WDR7: variants seen among roughly 807,000 people sequenced by gnomAD.
WDR7 encodes the protein WD repeat-containing protein 7.
Under a neutral mutation model 169.4 loss-of-function variants are expected in WDR7, and 46 were observed. The observed-to-expected ratio is 0.27, with a 90% confidence interval of 0.21 to 0.35. The LOEUF (loss-of-function observed/expected upper bound fraction) is 0.35. WDR7 is among the 10% of genes least tolerant of loss of function. The pLI, the probability that WDR7 is intolerant of heterozygous loss-of-function variation, is 1.00. For synonymous variants in WDR7, 612 were observed against 666.8 expected, an observed-to-expected ratio of 0.92 and a Z score of 1.27; for missense variants, 1,534 against 1,859.3, an observed-to-expected ratio of 0.83 and a Z score of 3.22.
At chr18:56,853,351 C>G (rs2145376267) in intron 20 of WDR7, among the ~76,000 whole-genome samples, 1 of 152,126 alleles carries the variant, frequency 6.6e-6, no homozygotes, top group Non-Finnish European at 1.5e-5. Context: ...TGTTCTTAAC[C>G]TTTGTTTTAA....
chr18:56,796,229 T>C (rs76161690), intron 19 of WDR7, among the ~76,000 whole-genome samples: 1,941 of 152,332 alleles, frequency 0.013, 17 homozygotes, highest in East Asian at 0.031. Flanking sequence ...ATGCCTCATC[T>C]TCAGGCAACT....
intron 26 of WDR7, among the ~76,000 whole-genome samples, chr18:56,994,168 C>T (rs1047169826): frequency 7.9e-5 from 12 of 151,904 alleles, no homozygotes; most frequent in South Asian, 2.1e-4. Flanking sequence ...TACAGGCATA[C>T]GCCACCACGC....
intron 20 of WDR7, among the ~76,000 whole-genome samples, chr18:56,869,148 C>A (rs977316388): frequency 1.2e-4 from 18 of 152,110 alleles, no homozygotes; most frequent in African/African-American, 4.3e-4. Flanking sequence ...ATAATTGACA[C>A]ACCTTCAGAG....
At chr18:56,730,291 G>A (rs1312611041) in intron 13 of WDR7, among the ~76,000 whole-genome samples, 1 of 152,132 alleles carries the variant, frequency 6.6e-6, no homozygotes. Context: ...AGAAAATAAA[G>A]CAGAAAAGGG....
At chr18:56,958,475 G>A (rs951467367) in intron 25 of WDR7, among the ~76,000 whole-genome samples, 3 of 151,698 alleles carry the variant, frequency 2.0e-5, no homozygotes, top group African/African-American at 7.3e-5. Flanking sequence ...TTTTTTCCAG[G>A]ACAACATTTA....
At chr18:57,026,821 A>G (rs980139405) in intron 27 of WDR7, among the ~76,000 whole-genome samples, 183 bp from the exon 28 acceptor site, 4 of 152,216 alleles carry the variant, frequency 2.6e-5, no homozygotes, top group South Asian at 2.1e-4. Context: ...TGCATTTACC[A>G]TAACAGCATC....
In WDR7 at chr18:56,938,516, A is replaced by G. The variant is rs79943618; in HGVS notation, c.3832-17A>G. On this transcript the variant is annotated splice_polypyrimidine_tract_variant and intron_variant, in intron 23 of 27. Coordinates refer to ENST00000254442, the MANE Select transcript of WDR7 (RefSeq NM_015285.3). ...TATCAGTGTCAATCATATCTACAGC[A>G]TAGAAATGTTTTGTAGGTACACAGA... 7.0e-3 allele frequency: 11,219 copies of G among 1,612,980 alleles called. 67 individuals carry two copies. Among genetic ancestry groups the G allele is most frequent in the Middle Eastern group, 0.019 (116 of 6,060 alleles).
intron 26 of WDR7, among the ~76,000 whole-genome samples, chr18:56,973,494 G>C (rs73444873): frequency 0.024 from 3,644 of 150,358 alleles, 129 homozygotes; most frequent in African/African-American, 0.084. Context: ...TATTGTGTGT[G>C]GGGGGGGTGT....
intron 19 of WDR7, among the ~76,000 whole-genome samples, chr18:56,784,555 G>T (rs549402250): frequency 6.6e-6 from 1 of 152,252 alleles, no homozygotes; most frequent in East Asian, 1.9e-4. Flanking sequence ...CATCTTGCTT[G>T]CTCTGGCATC....
intron 1 of WDR7, among the ~76,000 whole-genome samples, chr18:56,660,545 C>T (rs2024882498): frequency 1.3e-5 from 2 of 151,976 alleles, no homozygotes; most frequent in South Asian, 4.2e-4. Context: ...AAAGGATACT[C>T]AACCTATAGA....
intron 20 of WDR7, among the ~76,000 whole-genome samples, chr18:56,855,243 TC>T (rs397824004): frequency 2.0e-5 from 3 of 151,426 alleles, no homozygotes; most frequent in Non-Finnish European, 4.4e-5. Flanking sequence ...TGTTTTTTTT[TC>T]CCCCCATTGG....
intron 19 of WDR7, among the ~76,000 whole-genome samples, chr18:56,795,492 G>A (rs2044568579): frequency 6.6e-6 from 1 of 152,052 alleles, no homozygotes. Context: ...CAATAAATTT[G>A]GAACTACAGA....
At chr18:56,806,808 A>G (rs2044780770) in intron 19 of WDR7, among the ~76,000 whole-genome samples, 1 of 152,040 alleles carries the variant, frequency 6.6e-6, no homozygotes, top group Non-Finnish European at 1.5e-5. Context: ...AGGCTCCTTG[A>G]GTGTTTAGTA....
intron 26 of WDR7, among the ~76,000 whole-genome samples, chr18:56,989,780 G>A (rs1004090545): frequency 2.6e-5 from 4 of 151,706 alleles, no homozygotes; most frequent in East Asian, 1.9e-4. Flanking sequence ...CTTTATTCCC[G>A]TAGGTACAGT....
At chr18:56,857,160 C>T (rs917591032) in intron 20 of WDR7, among the ~76,000 whole-genome samples, 3 of 152,082 alleles carry the variant, frequency 2.0e-5, no homozygotes, top group African/African-American at 7.2e-5. Context: ...GTTTTTTATA[C>T]TAGAGTGGAA....
intron 22 of WDR7, among the ~76,000 whole-genome samples, chr18:56,927,219 A>G (rs1446709389): frequency 6.6e-6 from 1 of 152,172 alleles, no homozygotes; most frequent in Non-Finnish European, 1.5e-5. Flanking sequence ...ATCATGGCAG[A>G]GTTCCCTTTT....
intron 14 of WDR7, among the ~76,000 whole-genome samples, chr18:56,745,445 A>G (rs2043687498): frequency 6.6e-6 from 1 of 152,178 alleles, no homozygotes; most frequent in South Asian, 2.1e-4. Flanking sequence ...CGGTTTTTCC[A>G]TGGCCTGGGG....
chr18:56,848,536 A>C (rs2045598378), intron 20 of WDR7, among the ~76,000 whole-genome samples: 2 of 152,100 alleles, frequency 1.3e-5, no homozygotes, highest in Admixed American at 6.5e-5. Flanking sequence ...GGATGGAATG[A>C]TATGATATGG....
intron 21 of WDR7, among the ~76,000 whole-genome samples, chr18:56,918,388 A>T (rs1049990786): frequency 6.6e-6 from 1 of 152,196 alleles, no homozygotes; most frequent in African/African-American, 2.4e-5. Flanking sequence ...GGTGCTCTTT[A>T]GTTCCCCCAG....
Sources: allele counts gnomAD v4.1 joint callset (sites outside exome capture counted in the v4.1 genomes callset), GRCh38; gene constraint gnomAD v4.1.1; transcripts MANE v1.5; gene names NCBI Gene and HGNC (gene_info 2026-07-23, HGNC 2026-07-21).